RAB3C: variants seen among roughly 807,000 people sequenced by gnomAD.
The protein encoded by RAB3C is ras-related protein Rab-3C.
A neutral mutation model predicts 26.4 loss-of-function variants in RAB3C; 17 were observed. The ratio of observed to expected loss-of-function variants is 0.64; its 90% CI spans 0.44 to 0.97. The LOEUF is 0.97. RAB3C is among the 50% of genes least tolerant of loss of function. RAB3C has a pLI of 0.00. For synonymous variants in RAB3C, 91 were observed against 95.9 expected (o/e 0.95, Z 0.30); for missense variants, 242 against 281.9 (o/e 0.86, Z 1.01).
In RAB3C at chr5:58,855,662, T is replaced by C. The variant is rs1319974164; in HGVS notation, c.*4311T>C. ...TATGCTGAACCTTTGAGCCAGCTTT[T>C]GGGAGTTCTTCATATTTTAGGTGAA... On this transcript the variant is annotated 3_prime_UTR_variant, in exon 5 of 5. Coordinates refer to ENST00000282878, the MANE Select transcript of RAB3C (RefSeq NM_138453.4). The C allele has an allele frequency of 6.6e-6, 1 of 152,246 alleles. No individual in the cohort carries two copies. The allele number at this position is 152,246 out of a possible 1,614,324, so 9.4% of individuals were successfully genotyped here. A position where few individuals can be genotyped will look rare whatever the true frequency, so the allele number is the denominator to read the frequency against.
intron 3 of RAB3C, among the ~76,000 whole-genome samples, chr5:58,796,438 T>A (rs1480975886): frequency 6.6e-6 from 1 of 152,072 alleles, no homozygotes. Context: ...CCCAGAGTGG[T>A]GGAGAAGACT....
chr5:58,749,345 C>T (rs1454973765), intron 3 of RAB3C, among the ~76,000 whole-genome samples: 1 of 152,148 alleles, frequency 6.6e-6, no homozygotes, highest in African/African-American at 2.4e-5. Context: ...TTTCACTTAA[C>T]ATTTATCTAA....
chr5:58,672,479 G>C (rs1748140403), intron 2 of RAB3C, among the ~76,000 whole-genome samples: 1 of 152,270 alleles, frequency 6.6e-6, no homozygotes, highest in Non-Finnish European at 1.5e-5. Flanking sequence ...GGACTGGATG[G>C]TTCTCGAAGG....
At position 58,858,482 on chromosome 5, in the gene RAB3C, G is replaced by GA. The variant is rs1461774862; in HGVS notation, c.*7136dup. Reference sequence around the variant, plus strand: ...TCCTGCCCCTAATGAGAACAAGGGGGAAAAATCCAGATATAATCTAAATGC... The same window carrying GA: ...TCCTGCCCCTAATGAGAACAAGGGGGAAAAAATCCAGATATAATCTAAATGC... On this transcript the variant is annotated 3_prime_UTR_variant, in exon 5 of 5. Coordinates refer to ENST00000282878, the MANE Select transcript of RAB3C (RefSeq NM_138453.4). 2.0e-5 allele frequency: 3 copies of GA among 152,154 alleles called. No homozygotes were observed. The highest frequency in any genetic ancestry group is 4.8e-5 in the African/African-American group (2 of 41,424). 9.4% of individuals were successfully genotyped at this position (152,154 alleles called of 1,614,324 possible). A position where few individuals can be genotyped will look rare whatever the true frequency, so the allele number is the denominator to read the frequency against.
intron 2 of RAB3C, among the ~76,000 whole-genome samples, chr5:58,628,428 GAGAA>G (rs1304243348): frequency 1.3e-5 from 2 of 152,200 alleles, no homozygotes; most frequent in Admixed American, 6.5e-5. Context: ...GAAGGGAACA[GAGAA>G]AGAGCAGTTA....
At chr5:58,774,245 T>C (rs553945103) in intron 3 of RAB3C, among the ~76,000 whole-genome samples, 9 of 152,306 alleles carry the variant, frequency 5.9e-5, no homozygotes, top group African/African-American at 1.9e-4. Context: ...GATCTATCCT[T>C]GCTTCCTGTA....
intron 1 of RAB3C, among the ~76,000 whole-genome samples, chr5:58,607,918 A>T (rs1241931022): frequency 6.6e-6 from 1 of 152,162 alleles, no homozygotes; most frequent in Non-Finnish European, 1.5e-5. Context: ...GCCTTACAAG[A>T]GCTCCTGAAG....
At chr5:58,845,626 G>GTGTGTGTGTGTT (rs1561150611) in intron 4 of RAB3C, among the ~76,000 whole-genome samples, 1 of 71,232 alleles carries the variant, frequency 1.4e-5, no homozygotes, top group Non-Finnish European at 2.9e-5. Flanking sequence ...GTGTGTGTGT[G>GTGTGTGTGTGTT]TGTGTATATG....
intron 2 of RAB3C, among the ~76,000 whole-genome samples, chr5:58,633,185 A>G (rs1192506397): frequency 6.6e-6 from 1 of 152,178 alleles, no homozygotes; most frequent in Non-Finnish European, 1.5e-5. Flanking sequence ...CATTTCTTCA[A>G]CTTCCCAACC....
At position 58,712,515 on chromosome 5, in the gene RAB3C, A is replaced by G. The variant is rs141786383; in HGVS notation, c.253-13487A>G. 6.5e-3 allele frequency among the ~76,000 whole-genome samples: 993 copies of G among 152,254 alleles called. 2 individuals are homozygous for G. Among genetic ancestry groups the G allele is most frequent in the Non-Finnish European group, 0.01 (691 of 68,008 alleles). ...TTTAAAACTGTCTACAAAAAAAAGA[A>G]TAGCCATTTGATAGATTTTTTTTTC... is the stretch of plus-strand genomic sequence containing the variant. On this transcript the variant is annotated intron_variant, in intron 2 of 4. Transcript: ENST00000282878.
chr5:58,725,902 A>G, intron 2 of RAB3C, 100 bp from the exon 3 acceptor site: 1 of 671,188 alleles, frequency 1.5e-6, no homozygotes. Flanking sequence ...CAACAAGTAC[A>G]TTTTAGACTC....
intron 3 of RAB3C, among the ~76,000 whole-genome samples, chr5:58,819,321 G>C (rs1743286738): frequency 6.6e-6 from 1 of 152,182 alleles, no homozygotes; most frequent in African/African-American, 2.4e-5. Context: ...GGAATAAATT[G>C]TTGAGTCTGA....
chr5:58,762,286 G>A (rs957902856), intron 3 of RAB3C, among the ~76,000 whole-genome samples: 2 of 152,176 alleles, frequency 1.3e-5, no homozygotes, highest in African/African-American at 4.8e-5. Flanking sequence ...GGACAGTGAA[G>A]ATCTAGACAA....
chr5:58,753,522 A>G (rs1000799962), intron 3 of RAB3C, among the ~76,000 whole-genome samples: 2 of 152,122 alleles, frequency 1.3e-5, no homozygotes, highest in African/African-American at 4.8e-5. Flanking sequence ...ACCTCCCTCA[A>G]TTATAGTAGT....
chr5:58,739,718 T>C (rs752314335), intron 3 of RAB3C, among the ~76,000 whole-genome samples: 2 of 152,162 alleles, frequency 1.3e-5, no homozygotes, highest in Non-Finnish European at 2.9e-5. Context: ...GGATAAAAAT[T>C]ATAGTGTAAG....
chr5:58,707,132 G>A (rs979344885), intron 2 of RAB3C, among the ~76,000 whole-genome samples: 7 of 152,166 alleles, frequency 4.6e-5, no homozygotes, highest in African/African-American at 1.7e-4. Flanking sequence ...CTGGAAAAAA[G>A]ATGATATTTG....
intron 2 of RAB3C, among the ~76,000 whole-genome samples, chr5:58,632,004 G>A (rs552731040): frequency 8.5e-5 from 13 of 152,322 alleles, no homozygotes; most frequent in African/African-American, 2.9e-4. Context: ...GAGATTAAAG[G>A]AGAGAGGCTT....
At chr5:58,779,692 C>T (rs976016682) in intron 3 of RAB3C, among the ~76,000 whole-genome samples, 9 of 151,822 alleles carry the variant, frequency 5.9e-5, no homozygotes, top group Admixed American at 1.3e-4. Flanking sequence ...CCAGCCTTTA[C>T]GATATAAGAT....
chr5:58,702,879 A>C (rs1381227996), intron 2 of RAB3C, among the ~76,000 whole-genome samples: 1 of 152,208 alleles, frequency 6.6e-6, no homozygotes, highest in Non-Finnish European at 1.5e-5. Flanking sequence ...ACTTTACTGA[A>C]CAGAAATAGG....
Sources: gnomAD v4.1 joint callset for allele counts (sites outside exome capture counted in the v4.1 genomes callset) on GRCh38, gnomAD v4.1.1 for gene constraint, MANE v1.5 for transcripts, NCBI Gene and HGNC (gene_info 2026-07-23, HGNC 2026-07-21) for gene names.